Variants in VAX2 observed in about 807,000 individuals in gnomAD.
VAX2 encodes ventral anterior homeobox 2.
In VAX2, 8 loss-of-function variants were observed where a neutral mutation model predicts 12.5. That is an observed-to-expected ratio of 0.64 (90% CI 0.37 to 1.15). The LOEUF is 1.15. Ranked by LOEUF, VAX2 falls within the 50% of genes most tolerant of loss-of-function variation. VAX2 has a pLI of 0.01. For missense variants in VAX2, 476 were observed against 412.9 expected (o/e 1.15, Z -1.32); for synonymous variants, 183 against 187.6 (o/e 0.98, Z 0.20).
At chr2:70,918,351 C>A (rs1253593098) in intron 1 of VAX2, among the ~76,000 whole-genome samples, 1 of 152,194 alleles carries the variant, frequency 6.6e-6, no homozygotes, top group Non-Finnish European at 1.5e-5. Context: ...CTGGCAGGAC[C>A]CAGAAAGAGT....
At chr2:70,930,268 C>T (rs1313796970) in intron 2 of VAX2, among the ~76,000 whole-genome samples, 4 of 152,122 alleles carry the variant, frequency 2.6e-5, no homozygotes, top group African/African-American at 7.2e-5. Context: ...TAGTTTAAAT[C>T]TCATCTTCTC....
chr2:70,931,588 G>A (rs1553414314), intron 2 of VAX2, among the ~76,000 whole-genome samples: 1 of 152,238 alleles, frequency 6.6e-6, no homozygotes, highest in African/African-American at 2.4e-5. Flanking sequence ...ACTCTGCAAA[G>A]CCAAGGGGTC....
intron 1 of VAX2, among the ~76,000 whole-genome samples, chr2:70,919,306 A>G (rs7586455): frequency 0.8 from 121,019 of 151,292 alleles, 49,045 homozygotes; most frequent in African/African-American, 0.94. Context: ...AGGACCTTGA[A>G]TAAATTACTT....
At chr2:70,902,552 G>A (rs557793500) in intron 1 of VAX2, among the ~76,000 whole-genome samples, 12 of 152,322 alleles carry the variant, frequency 7.9e-5, no homozygotes, top group African/African-American at 2.9e-4. Flanking sequence ...GTCACTGCCT[G>A]TGACACTCAT....
At chr2:70,929,698 A>AAAAC (rs1553414038) in intron 2 of VAX2, among the ~76,000 whole-genome samples, 3 of 151,730 alleles carry the variant, frequency 2.0e-5, no homozygotes, top group Non-Finnish European at 4.4e-5. Context: ...AAAAAAAAAA[A>AAAAC]CAATGTATAT....
At position 70,921,183 on chromosome 2, in the gene VAX2, C is replaced by G; in HGVS notation, c.333C>G (p.Ala111=). Residue 111 remains alanine (A), a synonymous_variant, in exon 2 of 3, where the codon GCC becomes GCG. Coordinates refer to ENST00000234392, the MANE Select transcript of VAX2 (RefSeq NM_012476.3). ...AGCGGACACGTACATCCTTCACTGC[C>G]GAGCAGCTGTACCGCCTGGAGATGG... ...RPKRTRTSFT[A]EQLYRLEMEF... 1 of 1,613,736 alleles carries G rather than the reference C, an allele frequency of 6.2e-7. No individual in the cohort carries two copies. The highest frequency in any genetic ancestry group is 8.5e-7 in the Non-Finnish European group (1 of 1,179,960).
In VAX2 at chr2:70,923,222, T is replaced by C. The variant is rs144544440; in HGVS notation, c.435+1937T>C. On this transcript the variant is annotated intron_variant, in intron 2 of 2. Transcript: ENST00000234392. Reference sequence around the variant, plus strand: ...GTTCTCACTACAACCCTCCTTCCTCTGTCCCCAGTCCTAGGGTTGACAGAT... The same window carrying C: ...GTTCTCACTACAACCCTCCTTCCTCCGTCCCCAGTCCTAGGGTTGACAGAT... Among the ~76,000 whole-genome samples, 777 of 152,284 alleles carry C rather than the reference T, an allele frequency of 5.1e-3. 6 individuals carry two copies. Among genetic ancestry groups the C allele is most frequent in the African/African-American group, 0.017 (694 of 41,548 alleles).
intron 2 of VAX2, among the ~76,000 whole-genome samples, chr2:70,928,169 A>T (rs1553413801): frequency 6.6e-6 from 1 of 152,180 alleles, no homozygotes; most frequent in Non-Finnish European, 1.5e-5. Flanking sequence ...GGGCCCTGTG[A>T]ACCTACCCGC....
At chr2:70,906,929 A>T (rs1553410667) in intron 1 of VAX2, among the ~76,000 whole-genome samples, 1 of 152,210 alleles carries the variant, frequency 6.6e-6, no homozygotes, top group East Asian at 1.9e-4. Flanking sequence ...CACTGTGCCC[A>T]CCAAATCCAG....
intron 1 of VAX2, among the ~76,000 whole-genome samples, chr2:70,901,109 C>G (rs1397145743): frequency 1.3e-5 from 2 of 152,272 alleles, no homozygotes; most frequent in East Asian, 3.8e-4. Flanking sequence ...GGGCCAGTCC[C>G]CTAGTTCTAG....
intron 2 of VAX2, among the ~76,000 whole-genome samples, chr2:70,928,959 A>T (rs1475595898): frequency 6.6e-6 from 1 of 152,172 alleles, no homozygotes; most frequent in Non-Finnish European, 1.5e-5. Context: ...GGGTTCCTGG[A>T]GGTGGCCTGG....
rs560632426 is a variant in VAX2, at chr2:70,903,754, G to A, written c.247+2886G>A. On this transcript the variant is annotated intron_variant, in intron 1 of 2. Coordinates refer to ENST00000234392, the MANE Select transcript of VAX2 (RefSeq NM_012476.3). ...TTGATGGGTGGGGCAGTGGACCTTC[G>A]TTGTCTGAGGCCTCTCCCAAGTCAC... Among the ~76,000 whole-genome samples, 12 of 152,284 alleles carry A rather than the reference G, an allele frequency of 7.9e-5. No homozygotes were observed. The East Asian group carries it at 1.4e-3, about 17-fold the overall frequency.
intron 1 of VAX2, among the ~76,000 whole-genome samples, chr2:70,914,378 G>A (rs1679261643): frequency 6.6e-6 from 1 of 152,188 alleles, no homozygotes; most frequent in Non-Finnish European, 1.5e-5. Context: ...GAACCCGGGA[G>A]GCGGAGGCTG....
At chr2:70,900,982 C>A in intron 1 of VAX2, 114 bp downstream of exon 1, 1 of 1,055,490 alleles carries the variant, frequency 9.5e-7, no homozygotes, top group Non-Finnish European at 1.2e-6. Context: ...CATTCGTCAT[C>A]CAGTCATTCA....
chr2:70,933,056 C>T lies in VAX2; in HGVS notation c.725C>T (p.Pro242Leu), dbSNP rs183405602. The T allele has an allele frequency of 2.5e-5, 40 of 1,606,648 alleles. No individual in the cohort carries two copies. The highest frequency in any genetic ancestry group is 6.7e-5 in the East Asian group (3 of 44,546). Residue 242 changes from proline (P) to leucine (L), a missense_variant, in exon 3 of 3, where the codon CCG (proline) becomes CTG (leucine). Pro to Leu is a moderately conservative substitution (Grantham distance 98). Coordinates refer to ENST00000234392, the MANE Select transcript of VAX2 (RefSeq NM_012476.3). The stretch of plus-strand genomic sequence containing the variant: ...TCGGCCTCAGCGTCCCCCCCACTGC[C>T]GCCCCCTCTGCCAGCTGTCTGCTTT... Reference protein sequence around the residue: ...LSSASASPPLPPPLPAVCFSS... With the variant: ...LSSASASPPLLPPLPAVCFSS...
chr2:70,905,773 G>T (rs1378284715), intron 1 of VAX2, among the ~76,000 whole-genome samples: 1 of 152,312 alleles, frequency 6.6e-6, no homozygotes, highest in African/African-American at 2.4e-5. Context: ...GACAAGGAGT[G>T]GGTACCTGGG....
At position 70,904,859 on chromosome 2, in the gene VAX2, G is replaced by A. The variant is rs1422604462; in HGVS notation, c.247+3991G>A. Among the ~76,000 whole-genome samples the A allele has an allele frequency of 1.3e-5, 2 of 152,238 alleles. No homozygotes were observed. The highest frequency in any genetic ancestry group is 3.9e-4 in the East Asian group (2 of 5,182). On this transcript the variant is annotated intron_variant, in intron 1 of 2. Coordinates refer to ENST00000234392, the MANE Select transcript of VAX2 (RefSeq NM_012476.3). This position sits in a 1 kb window ranked among gnomAD's most constrained non-coding sequence, Gnocchi z 4.2. ...GTCCAGTCCTTCGGAGAATCCGCGG[G>A]CAGTCGGGACCCACGCTCCGGAAAC...
At chr2:70,909,565 A>G (rs1221927089) in intron 1 of VAX2, among the ~76,000 whole-genome samples, 1 of 152,074 alleles carries the variant, frequency 6.6e-6, no homozygotes, top group Non-Finnish European at 1.5e-5. Context: ...TCCACTCCTA[A>G]GATTTACCTT....
At chr2:70,901,427 C>G (rs1553409765) in intron 1 of VAX2, among the ~76,000 whole-genome samples, 1 of 152,244 alleles carries the variant, frequency 6.6e-6, no homozygotes, top group African/African-American at 2.4e-5. Context: ...CGCTAGCCCG[C>G]TGTGCTTCAC....
Sources: allele counts gnomAD v4.1 joint callset (sites outside exome capture counted in the v4.1 genomes callset), GRCh38; gene constraint gnomAD v4.1.1; non-coding constraint Gnocchi (gnomAD v3.1); transcripts MANE v1.5; gene names NCBI Gene and HGNC (gene_info 2026-07-23, HGNC 2026-07-21).